Variants in CA10 observed in about 807,000 individuals in gnomAD.
CA10 encodes carbonic anhydrase-related protein 10.
CA10 carries 14 observed loss-of-function variants against 44.2 expected under a neutral mutation model. The observed-to-expected ratio is 0.32, with a 90% confidence interval of 0.21 to 0.50. The LOEUF is 0.50. Ranked by LOEUF, CA10 falls within the 20% of genes least tolerant of loss-of-function variation. CA10 has a pLI of 0.99. For missense variants in CA10, 350 were observed against 409.7 expected (o/e 0.85, Z 1.26); for synonymous variants, 159 against 141.6 (o/e 1.12, Z -0.87).
intron 2 of CA10, among the ~76,000 whole-genome samples, chr17:52,040,088 G>T (rs181649857): frequency 4.7e-4 from 71 of 151,892 alleles, no homozygotes; most frequent in African/African-American, 1.6e-3. Context: ...TGATATAGCT[G>T]GGAAGTAACA....
At chr17:51,923,217 C>T (rs956936106) in intron 3 of CA10, among the ~76,000 whole-genome samples, 3 of 152,166 alleles carry the variant, frequency 2.0e-5, no homozygotes, top group Non-Finnish European at 2.9e-5. Flanking sequence ...ACCAGCACCA[C>T]GGCAACACAT....
intron 4 of CA10, among the ~76,000 whole-genome samples, chr17:51,667,788 C>T (rs548653221): frequency 6.6e-6 from 1 of 152,254 alleles, no homozygotes; most frequent in East Asian, 1.9e-4. Flanking sequence ...CACTGTACTG[C>T]AGGGAAGTCC....
intron 3 of CA10, among the ~76,000 whole-genome samples, chr17:51,830,824 T>A (rs1908213306): frequency 6.6e-6 from 1 of 152,162 alleles, no homozygotes; most frequent in Non-Finnish European, 1.5e-5. Context: ...TTCCCCATAT[T>A]TTAGTTAAAT....
At chr17:51,963,894 A>T (rs912489109) in intron 2 of CA10, among the ~76,000 whole-genome samples, 2 of 152,184 alleles carry the variant, frequency 1.3e-5, no homozygotes, top group Non-Finnish European at 2.9e-5. Flanking sequence ...ACTTCACAAT[A>T]GGATAAAAAT....
Position 51,789,367 on chromosome 17 carries a change from C to T in CA10, c.280-41549G>A, listed in dbSNP as rs983440716. On this transcript the variant is annotated intron_variant, in intron 3 of 8. Coordinates refer to ENST00000451037, the MANE Select transcript of CA10 (RefSeq NM_020178.5). Reference sequence around the variant, plus strand: ...TTTACATCATGGTAATGCTTTGATGCTATATTTATTTGTAATTTATTGTGT... The same window carrying T: ...TTTACATCATGGTAATGCTTTGATGTTATATTTATTTGTAATTTATTGTGT... Among the ~76,000 whole-genome samples the T allele has an allele frequency of 3.9e-4, 60 of 152,280 alleles. 1 individual carries two copies. Among genetic ancestry groups the T allele is most frequent in the Admixed American group, 1.0e-3 (16 of 15,294 alleles).
chr17:51,843,947 C>T (rs1448054278), intron 3 of CA10, among the ~76,000 whole-genome samples: 5 of 152,180 alleles, frequency 3.3e-5, no homozygotes, highest in Non-Finnish European at 1.5e-5. Flanking sequence ...CGACTTACCA[C>T]TGGAATCTTA....
chr17:51,976,333 G>C (rs1238731021), intron 2 of CA10, among the ~76,000 whole-genome samples: 1 of 152,108 alleles, frequency 6.6e-6, no homozygotes, highest in Non-Finnish European at 1.5e-5. Context: ...CATAAGAACT[G>C]CAGGATACAT....
chr17:51,975,872 GAAA>G (rs139387796), intron 2 of CA10, among the ~76,000 whole-genome samples: 2,947 of 98,086 alleles, frequency 0.03, 99 homozygotes, highest in African/African-American at 0.1. Context: ...CTCTGTCTCG[GAAA>G]AAAAAAAAAA....
chr17:52,123,333 G>A (rs562684354), intron 1 of CA10, among the ~76,000 whole-genome samples: 2 of 147,710 alleles, frequency 1.4e-5, no homozygotes, highest in East Asian at 4.1e-4. Context: ...ATATATGTGT[G>A]TGTGTGTGTG....
At chr17:52,073,323 G>A (rs1987734970) in intron 1 of CA10, among the ~76,000 whole-genome samples, 2 of 151,560 alleles carry the variant, frequency 1.3e-5, no homozygotes, top group Admixed American at 6.5e-5. Flanking sequence ...AAGACAATGG[G>A]TTTGAATGCA....
chr17:51,700,460 A>G (rs909535719), intron 4 of CA10, among the ~76,000 whole-genome samples: 2 of 152,004 alleles, frequency 1.3e-5, no homozygotes, highest in Non-Finnish European at 2.9e-5. Flanking sequence ...CTCTGGCCAC[A>G]TTGGCCTCCT....
At chr17:51,677,509 C>G (rs1398471141) in intron 4 of CA10, among the ~76,000 whole-genome samples, 1 of 152,098 alleles carries the variant, frequency 6.6e-6, no homozygotes, top group Admixed American at 6.6e-5. Context: ...AACCATGAAC[C>G]AATGAAACCT....
intron 1 of CA10, among the ~76,000 whole-genome samples, chr17:52,124,462 G>T (rs1208957041): frequency 6.6e-6 from 1 of 152,188 alleles, no homozygotes; most frequent in Non-Finnish European, 1.5e-5. Flanking sequence ...ACAGCATGCA[G>T]TTGCTCAAAG....
At chr17:51,714,146 A>G (rs1916025707) in intron 4 of CA10, among the ~76,000 whole-genome samples, 3 of 152,290 alleles carry the variant, frequency 2.0e-5, no homozygotes, top group African/African-American at 4.8e-5. Flanking sequence ...TGAGGCCTCC[A>G]TAAAAGGTAC....
At position 51,635,840 on chromosome 17, in the gene CA10, C is replaced by G. The variant is rs2143212368; in HGVS notation, c.789+15G>C. The G allele has an allele frequency of 6.5e-7, 1 of 1,539,398 alleles. No individual in the cohort carries two copies. Among genetic ancestry groups the G allele is most frequent in the East Asian group, 2.3e-5 (1 of 43,692 alleles). ...CATTCTTCTCCATTAGCTAAATGAC[C>G]AGAGAGAAACTCACCTGCATCCTGG... On this transcript the variant is annotated intron_variant, in intron 7 of 8. Transcript: ENST00000451037.
At chr17:52,129,574 TA>T (rs1393871732) in intron 1 of CA10, among the ~76,000 whole-genome samples, 2 of 152,210 alleles carry the variant, frequency 1.3e-5, no homozygotes, top group Non-Finnish European at 2.9e-5. Flanking sequence ...TCTAAGAGCT[TA>T]ACCAGTGAGA....
intron 4 of CA10, among the ~76,000 whole-genome samples, chr17:51,660,564 G>T (rs1410122129): frequency 1.4e-4 from 21 of 152,130 alleles, no homozygotes; most frequent in Admixed American, 7.2e-4. Flanking sequence ...GCATGCCGGG[G>T]GCTGCTCACT....
chr17:52,046,949 T>C (rs1310527172), intron 2 of CA10, among the ~76,000 whole-genome samples: 2 of 151,962 alleles, frequency 1.3e-5, no homozygotes, highest in African/African-American at 4.8e-5. Context: ...GCCATTTCCA[T>C]AGATGCAGCA....
chr17:51,700,751 G>C (rs998429939), intron 4 of CA10, among the ~76,000 whole-genome samples: 3 of 152,154 alleles, frequency 2.0e-5, no homozygotes, highest in African/African-American at 7.2e-5. Flanking sequence ...TGGGCTGTCG[G>C]AACACCACAA....
Sources: gnomAD v4.1 joint callset for allele counts (sites outside exome capture counted in the v4.1 genomes callset) on GRCh38, gnomAD v4.1.1 for gene constraint, MANE v1.5 for transcripts, NCBI Gene and HGNC (gene_info 2026-07-23, HGNC 2026-07-21) for gene names.